UFL1: variants seen among roughly 807,000 people sequenced by gnomAD.
The protein encoded by UFL1 is E3 UFM1-protein ligase 1.
UFL1 carries 78 observed loss-of-function variants against 99.3 expected under a neutral mutation model. That is an observed-to-expected ratio of 0.79 (90% CI 0.65 to 0.95). The LOEUF is 0.95. UFL1 is among the 40% of genes least tolerant of loss of function. UFL1 has a pLI of 0.00. For missense variants in UFL1, 936 were observed against 937.0 expected (o/e 1.00, Z 0.01); for synonymous variants, 335 against 322.2 (o/e 1.04, Z -0.42).
At position 96,536,364 on chromosome 6, in the gene UFL1, C is replaced by T. The variant is rs1213616779; in HGVS notation, c.776C>T (p.Ser259Phe). 2 of 1,604,710 alleles carry T rather than the reference C, an allele frequency of 1.2e-6. No homozygotes were observed. The highest frequency in any genetic ancestry group is 2.2e-5 in the South Asian group (2 of 89,766). ...YSRTQSTWVD[S>F]FFRQNGYLEF... ...AGGACACAGAGTACTTGGGTGGATTCCTTTTTCAGGCAGAATGGCTATCTA... is the reference window on the plus strand; with the variant it reads ...AGGACACAGAGTACTTGGGTGGATTTCTTTTTCAGGCAGAATGGCTATCTA... Residue 259 changes from serine (S) to phenylalanine (F), a missense_variant, in exon 8 of 19, where the codon TCC becomes TTC. Ser to Phe is a radical substitution (Grantham distance 155). Coordinates refer to ENST00000369278, the MANE Select transcript of UFL1 (RefSeq NM_015323.5).
chr6:96,537,434 A>G lies in UFL1; in HGVS notation c.863A>G (p.Tyr288Cys). The G allele has an allele frequency of 2.5e-6, 4 of 1,608,372 alleles. No individual in the cohort carries two copies. The highest frequency in any genetic ancestry group is 3.3e-4 in the Middle Eastern group (2 of 6,028). Residue 288 changes from tyrosine to cysteine, a missense_variant, in exon 9 of 19, where the codon TAT becomes TGT. Transcript: ENST00000369278. ...PDAVSYIKKR[Y>C]KTTQLLFLKA... ...GCTGTAAGCTACATAAAGAAAAGAT[A>G]TAAGACTACACAACTCTTGTTTTTG...
intron 7 of UFL1, 132 bp downstream of exon 7, chr6:96,534,453 T>C: frequency 2.7e-6 from 2 of 729,310 alleles, no homozygotes; most frequent in Non-Finnish European, 4.1e-6. Context: ...TAAAAAAGTT[T>C]CTTTGTATCA....
In UFL1 at chr6:96,521,816, A is replaced by G; in HGVS notation, c.-58A>G. ...CGGCCCGTTCCGCCTCTCTTCTCCC[A>G]CCGCCTGTCGGCTGACGTGTCTGCA... On this transcript the variant is annotated 5_prime_UTR_variant, in exon 1 of 19. Coordinates refer to ENST00000369278, the MANE Select transcript of UFL1 (RefSeq NM_015323.5). The G allele has an allele frequency of 1.3e-6, 2 of 1,556,586 alleles. No individual in the cohort carries two copies. The highest frequency in any genetic ancestry group is 2.4e-5 in the East Asian group (1 of 41,632).
At chr6:96,537,331 A>G (rs758402466) in intron 8 of UFL1, 43 bp from the exon 9 acceptor site, 3 of 1,485,476 alleles carry the variant, frequency 2.0e-6, no homozygotes, top group East Asian at 2.5e-5. Context: ...TTTGTCTTAC[A>G]TGTAATTGAC....
chr6:96,534,235 GTTTTTT>G, intron 6 of UFL1, 22 bp from the exon 7 acceptor site: 1 of 1,107,164 alleles, frequency 9.0e-7, no homozygotes, highest in Non-Finnish European at 1.2e-6. Flanking sequence ...TGAGTAAGAA[GTTTTTT>G]TTTTTTTAAC....
intron 11 of UFL1, among the ~76,000 whole-genome samples, 190 bp downstream of exon 11, chr6:96,540,845 G>A (rs1054290441): frequency 6.6e-6 from 1 of 151,356 alleles, no homozygotes; most frequent in Non-Finnish European, 1.5e-5. Context: ...TGGTGATTAT[G>A]TTTTCTGTTT....
chr6:96,536,119 T>C, intron 7 of UFL1, 125 bp from the exon 8 acceptor site: 1 of 887,038 alleles, frequency 1.1e-6, no homozygotes. Flanking sequence ...TTATTTATGC[T>C]ATTTCAACTT....
intron 12 of UFL1, among the ~76,000 whole-genome samples, chr6:96,543,762 T>C (rs1361211869): frequency 6.6e-6 from 1 of 151,086 alleles, no homozygotes; most frequent in Non-Finnish European, 1.5e-5. Context: ...TGACAATTTA[T>C]AAGGCATAGG....
rs1205063314 is a variant in UFL1, at chr6:96,521,838, T to G, written c.-36T>G. On this transcript the variant is annotated 5_prime_UTR_variant, in exon 1 of 19. Coordinates refer to ENST00000369278, the MANE Select transcript of UFL1 (RefSeq NM_015323.5). ...CCCACCGCCTGTCGGCTGACGTGTC[T>G]GCAGTTCCTCCGCGTCTACTGCGAG... The G allele has an allele frequency of 6.3e-7, 1 of 1,597,990 alleles. No individual in the cohort carries two copies. The highest frequency in any genetic ancestry group is 1.7e-5 in the Admixed American group (1 of 58,502).
Position 96,549,409 on chromosome 6 carries a change from C to T in UFL1, c.1521-3C>T. On this transcript the variant is annotated splice_polypyrimidine_tract_variant and splice_region_variant and intron_variant, in intron 13 of 18. Coordinates refer to ENST00000369278, the MANE Select transcript of UFL1 (RefSeq NM_015323.5). Reference sequence around the variant, plus strand: ...AAACTAAATATATTTGTCTTATGCACAGACCTCTTAATAAAACTTATCTCG... The same window carrying T: ...AAACTAAATATATTTGTCTTATGCATAGACCTCTTAATAAAACTTATCTCG... 1 of 1,591,266 alleles carries T rather than the reference C, an allele frequency of 6.3e-7. No individual in the cohort carries two copies. The highest frequency in any genetic ancestry group is 1.2e-5 in the South Asian group (1 of 86,182).
chr6:96,522,684 A>G (rs1769636058), intron 1 of UFL1, among the ~76,000 whole-genome samples: 1 of 152,200 alleles, frequency 6.6e-6, no homozygotes, highest in African/African-American at 2.4e-5. Context: ...GGTAAAAGTT[A>G]TGGTTTCACT....
chr6:96,540,869 CTTTAT>C lies in UFL1; in HGVS notation c.1279+220_1279+224del, dbSNP rs561255606. On this transcript the variant is annotated intron_variant, in intron 11 of 18. Coordinates refer to ENST00000369278, the MANE Select transcript of UFL1 (RefSeq NM_015323.5). ...TGTTTTCTGTTTTCTTTTGTGAAAA[CTTTAT>C]TTTATCATCATGCTCATCTCTTGTT... is the stretch of plus-strand genomic sequence containing the variant. Among the ~76,000 whole-genome samples, 54 of 151,390 alleles carry C rather than the reference CTTTAT, an allele frequency of 3.6e-4. No homozygotes were observed. In the East Asian group the frequency reaches 8.9e-3, roughly 25 times the overall value.
At position 96,543,008 on chromosome 6, in the gene UFL1, C is replaced by T. The variant is rs758393625; in HGVS notation, c.1394C>T (p.Ser465Phe). 3 of 1,591,302 alleles carry T rather than the reference C, an allele frequency of 1.9e-6. No individual in the cohort carries two copies. The South Asian group carries it at 3.4e-5, about 18-fold the overall frequency. Residue 465 changes from serine (S) to phenylalanine (F), a missense_variant, in exon 12 of 19, where the codon TCC (serine) becomes TTC (phenylalanine). Transcript: ENST00000369278. ...GATAGTGATGATGAATCTCAATCAT[C>T]CCACACTGGTAGGTAGCTTTTCTTT... The part of the protein sequence containing the change: ...DDDSDDESQS[S>F]HTGKKKPEIS...
chr6:96,534,873 G>A (rs1769832213), intron 7 of UFL1, among the ~76,000 whole-genome samples: 1 of 151,596 alleles, frequency 6.6e-6, no homozygotes, highest in Non-Finnish European at 1.5e-5. Flanking sequence ...TTTCAACTCA[G>A]ATTATCTGTG....
rs1414432776 is a variant in UFL1 at position 96,555,222 on chromosome 6, C to A, written c.*1719C>A. The A allele has an allele frequency of 6.6e-6, 1 of 151,962 alleles. No individual in the cohort carries two copies. Among genetic ancestry groups the A allele is most frequent in the Non-Finnish European group, 1.5e-5 (1 of 67,984 alleles). The allele number at this position is 151,962 out of a possible 1,614,324, so 9.4% of individuals were successfully genotyped here. On this transcript the variant is annotated 3_prime_UTR_variant, in exon 19 of 19. Coordinates refer to ENST00000369278, the MANE Select transcript of UFL1 (RefSeq NM_015323.5). ...AAAATTATTGTATGTTTACTGTGATCTTAATGGGCAGGGTTAAGAAAGTTA... is the reference window on the plus strand; with the variant it reads ...AAAATTATTGTATGTTTACTGTGATATTAATGGGCAGGGTTAAGAAAGTTA...
intron 12 of UFL1, among the ~76,000 whole-genome samples, chr6:96,547,806 G>GTT (rs1770020824): frequency 6.6e-6 from 1 of 150,538 alleles, no homozygotes; most frequent in South Asian, 2.1e-4. Context: ...AAGAAGGGAA[G>GTT]TTGGGGGGGG....
Position 96,553,501 on chromosome 6 carries a change from T to C in UFL1, c.2383T>C (p.Ter795GlnextTer1). Residue 795 changes from the stop codon to glutamine, a stop_lost, in exon 19 of 19, where the codon TAA becomes CAA. Transcript: ENST00000369278. ...TAGGAAATCATCTGTGACGGAAGAG[T>C]AATGATCTTAATTTACATTTGTCAT... ...KSRKSSVTEE[*>Q] The C allele has an allele frequency of 6.2e-7, 1 of 1,611,586 alleles. No individual in the cohort carries two copies. The highest frequency in any genetic ancestry group is 8.5e-7 in the Non-Finnish European group (1 of 1,178,920).
intron 15 of UFL1, 94 bp from the exon 16 acceptor site, chr6:96,551,338 AC>A: frequency 1.5e-6 from 1 of 689,064 alleles, no homozygotes; most frequent in African/African-American, 1.9e-5. Flanking sequence ...GGTAAATTCC[AC>A]TCAGGAACTT....
At chr6:96,542,793 A>T (rs1258314409) in intron 11 of UFL1, 101 bp from the exon 12 acceptor site, 6 of 1,212,480 alleles carry the variant, frequency 4.9e-6, no homozygotes, top group Non-Finnish European at 6.4e-6. Context: ...TTTTGCCTTT[A>T]TTTTTTCTGC....
Sources: allele counts gnomAD v4.1 joint callset (sites outside exome capture counted in the v4.1 genomes callset), GRCh38; gene constraint gnomAD v4.1.1; transcripts MANE v1.5; gene names NCBI Gene and HGNC (gene_info 2026-07-23, HGNC 2026-07-21).